Variants in AGMO observed in about 807,000 individuals in gnomAD.
AGMO encodes alkylglycerol monooxygenase, also known as glyceryl-ether monooxygenase.
A neutral mutation model predicts 60.2 loss-of-function variants in AGMO; 75 were observed. The ratio of observed to expected loss-of-function variants is 1.25; its 90% CI spans 1.03 to 1.51. The LOEUF (loss-of-function observed/expected upper bound fraction) is 1.51, where lower values mean the gene tolerates loss of function less well. Ranked by LOEUF, AGMO falls within the 40% of genes most tolerant of loss-of-function variation. The pLI, the probability that AGMO is intolerant of heterozygous loss-of-function variation, is 0.00. For synonymous variants in AGMO, 261 were observed against 177.1 expected (o/e 1.47, Z -3.76); for missense variants, 763 against 525.5 (o/e 1.45, Z -4.42).
At chr7:15,419,703 A>T (rs889033847) in intron 4 of AGMO, among the ~76,000 whole-genome samples, 1 of 151,878 alleles carries the variant, frequency 6.6e-6, no homozygotes, top group African/African-American at 2.4e-5. Context: ...CATGTTATTA[A>T]GCAATGGATT....
chr7:15,284,483 A>C (rs1014604263), intron 12 of AGMO, among the ~76,000 whole-genome samples: 1 of 152,108 alleles, frequency 6.6e-6, no homozygotes, highest in Non-Finnish European at 1.5e-5. Context: ...GAAATGAATA[A>C]GCTCTTGGAA....
At chr7:15,331,216 C>T (rs1024150180) in intron 12 of AGMO, among the ~76,000 whole-genome samples, 1 of 152,124 alleles carries the variant, frequency 6.6e-6, no homozygotes, top group Non-Finnish European at 1.5e-5. Context: ...AAGAATGAAA[C>T]TGCAAGGAGG....
At chr7:15,471,196 A>G (rs1376880576) in intron 3 of AGMO, among the ~76,000 whole-genome samples, 4 of 151,880 alleles carry the variant, frequency 2.6e-5, no homozygotes, top group African/African-American at 9.7e-5. Context: ...TTGATATCCC[A>G]CACTGGTATG....
intron 12 of AGMO, among the ~76,000 whole-genome samples, chr7:15,313,768 A>C (rs1780834466): frequency 6.6e-6 from 1 of 152,142 alleles, no homozygotes; most frequent in African/African-American, 2.4e-5. Flanking sequence ...CATGCCTATG[A>C]TAAAGTTTAA....
At chr7:15,557,081 G>A (rs1201015793) in intron 2 of AGMO, among the ~76,000 whole-genome samples, 4 of 151,930 alleles carry the variant, frequency 2.6e-5, no homozygotes, top group African/African-American at 7.3e-5. Context: ...CAACATGGTA[G>A]GCACGCTATT....
intron 12 of AGMO, among the ~76,000 whole-genome samples, chr7:15,221,247 C>T (rs992605262): frequency 2.0e-5 from 3 of 152,096 alleles, no homozygotes; most frequent in South Asian, 2.1e-4. Context: ...TCTATTCCAG[C>T]CCCTCTGGAA....
intron 12 of AGMO, among the ~76,000 whole-genome samples, chr7:15,307,745 AC>A (rs138276639): frequency 0.012 from 1,776 of 152,142 alleles, 11 homozygotes; most frequent in Non-Finnish European, 0.019. Flanking sequence ...CTCACAGTAA[AC>A]ATGCCCACAA....
intron 12 of AGMO, among the ~76,000 whole-genome samples, chr7:15,225,973 G>GA (rs1782069862): frequency 6.6e-6 from 1 of 151,794 alleles, no homozygotes; most frequent in African/African-American, 2.4e-5. Context: ...AATATTCATT[G>GA]AAAAAATAAA....
At chr7:15,322,882 C>T (rs185198866) in intron 12 of AGMO, among the ~76,000 whole-genome samples, 2,331 of 145,142 alleles carry the variant, frequency 0.016, 35 homozygotes, top group Non-Finnish European at 0.024. Context: ...TATCAAAACT[C>T]TTTCTTGATA....
intron 12 of AGMO, among the ~76,000 whole-genome samples, chr7:15,247,065 A>C (rs1206496306): frequency 6.6e-6 from 1 of 152,036 alleles, no homozygotes; most frequent in African/African-American, 2.4e-5. Flanking sequence ...TTAGCTTCCT[A>C]AAGTAATGGG....
chr7:15,484,625 A>G (rs1461819770), intron 3 of AGMO, among the ~76,000 whole-genome samples: 1 of 152,168 alleles, frequency 6.6e-6, no homozygotes, highest in Non-Finnish European at 1.5e-5. Flanking sequence ...CGCTCTTGAA[A>G]TGTTTTGACA....
rs926810039 is a variant in AGMO at position 15,437,548 on chromosome 7, T to C, written c.410-6440A>G. On this transcript the variant is annotated intron_variant, in intron 3 of 12. Coordinates refer to ENST00000342526, the MANE Select transcript of AGMO (RefSeq NM_001004320.2). ...ATTTTTTCCTTTTTTTTTTTTTTTT[T>C]TTTTGAGACGGAGTCTGTCTCTGTC... Among the ~76,000 whole-genome samples the C allele has an allele frequency of 2.8e-3, 309 of 110,202 alleles. 1 individual carries two copies. The highest frequency in any genetic ancestry group is 0.01 in the African/African-American group (285 of 28,336). 72.3% of individuals were successfully genotyped at this position (110,202 alleles called of 152,430 possible).
chr7:15,246,533 G>A (rs894327956), intron 12 of AGMO, among the ~76,000 whole-genome samples: 1 of 152,116 alleles, frequency 6.6e-6, no homozygotes. Flanking sequence ...ATCAAATAGA[G>A]CTTTCTCAAA....
At chr7:15,385,904 G>A (rs888684748) in intron 9 of AGMO, among the ~76,000 whole-genome samples, 4 of 152,174 alleles carry the variant, frequency 2.6e-5, no homozygotes, top group Non-Finnish European at 5.9e-5. Context: ...GAAGGTGCCA[G>A]ATGTGGTGAC....
At chr7:15,494,716 CTT>C (rs1425733832) in intron 3 of AGMO, among the ~76,000 whole-genome samples, 1 of 152,226 alleles carries the variant, frequency 6.6e-6, no homozygotes, top group Non-Finnish European at 1.5e-5. Context: ...TGAAAATCCT[CTT>C]AAGTATAACA....
the AGMO span, among the ~76,000 whole-genome samples, chr7:15,162,137 T>C: frequency 4.5e-4 from 68 of 152,188 alleles, no homozygotes; most frequent in African/African-American, 1.5e-3. Context: ...CCTGCTGCCA[T>C]GTAAGACCTG....
At position 15,385,453 on chromosome 7, in the gene AGMO, T is replaced by A. The variant is rs777617525; in HGVS notation, c.1067A>T (p.Asp356Val). The stretch of plus-strand genomic sequence containing the variant: ...AAAATGGATATTACTTACAGCTGTA[T>A]CTGCAAAGGTCTCTTCATAAAATGC... ...MLAFYEETFADTAALSQVTLL... is the reference protein window; with the variant it reads ...MLAFYEETFAVTAALSQVTLL... Residue 356 changes from aspartate (D) to valine (V), a missense_variant, in exon 10 of 13, where the codon GAT becomes GTT. Coordinates refer to ENST00000342526, the MANE Select transcript of AGMO (RefSeq NM_001004320.2). 74 of 1,571,536 alleles carry A rather than the reference T, an allele frequency of 4.7e-5. No individual in the cohort carries two copies. Among genetic ancestry groups the A allele is most frequent in the Non-Finnish European group, 6.0e-5 (68 of 1,142,546 alleles).
At position 15,377,887 on chromosome 7, in the gene AGMO, C is replaced by T. The variant is rs554145498; in HGVS notation, c.1074+7559G>A. 8.6e-5 allele frequency among the ~76,000 whole-genome samples: 13 copies of T among 152,024 alleles called. No homozygotes were observed. In the South Asian group the frequency reaches 2.7e-3, roughly 32 times the overall value. Reference sequence around the variant, plus strand: ...TGGTTTGATGTTTAGGTGTGCACTGCCAAGCGTAATGTGGTTCATGCCACA... The same window carrying T: ...TGGTTTGATGTTTAGGTGTGCACTGTCAAGCGTAATGTGGTTCATGCCACA... On this transcript the variant is annotated intron_variant, in intron 10 of 12. Coordinates refer to ENST00000342526, the MANE Select transcript of AGMO (RefSeq NM_001004320.2).
At chr7:15,405,768 A>G (rs1222994835) in intron 5 of AGMO, among the ~76,000 whole-genome samples, 1 of 151,894 alleles carries the variant, frequency 6.6e-6, no homozygotes, top group African/African-American at 2.4e-5. Flanking sequence ...TAAGTTTAGC[A>G]AATAGTCATA....
Sources: allele counts gnomAD v4.1 joint callset (sites outside exome capture counted in the v4.1 genomes callset), GRCh38; gene constraint gnomAD v4.1.1; transcripts MANE v1.5; gene names NCBI Gene and HGNC (gene_info 2026-07-23, HGNC 2026-07-21).